The following SNRPN variants were observed in gnomAD, a reference collection of about 807,000 sequenced individuals.
SNRPN encodes small nuclear ribonucleoprotein polypeptide N, also known as small nuclear ribonucleoprotein-associated protein N.
SNRPN carries 7 observed loss-of-function variants against 25.2 expected under a neutral mutation model. The observed-to-expected ratio is 0.28, with a 90% CI of 0.16 to 0.52. The LOEUF (loss-of-function observed/expected upper bound fraction) is 0.52. Ranked by LOEUF, SNRPN falls within the 20% of genes least tolerant of loss-of-function variation. The probability of loss-of-function intolerance (pLI) is 0.96; values close to 1 mark genes in which losing one functional copy is unlikely to be tolerated. For synonymous variants in SNRPN, 124 were observed against 110.6 expected, an observed-to-expected ratio of 1.12 and a Z score of -0.76; for missense variants, 196 against 322.5, an observed-to-expected ratio of 0.61 and a Z score of 3.00.
At chr15:24,882,423 G>C (rs571574850) in intron 1 of SNRPN, among the ~76,000 whole-genome samples, 1 of 152,162 alleles carries the variant, frequency 6.6e-6, no homozygotes, top group Non-Finnish European at 1.5e-5. Flanking sequence ...TTTTGACAAT[G>C]AATACTATCA....
At chr15:24,944,624 A>C (rs1481224231) in intron 3 of SNRPN, among the ~76,000 whole-genome samples, 1 of 152,246 alleles carries the variant, frequency 6.6e-6, no homozygotes, top group East Asian at 1.9e-4. Context: ...CCAATTTCAG[A>C]AACCAACCCC....
At chr15:24,887,858 A>G (rs2057335394) in intron 2 of SNRPN, among the ~76,000 whole-genome samples, 1 of 152,020 alleles carries the variant, frequency 6.6e-6, no homozygotes, top group Non-Finnish European at 1.5e-5. Context: ...AGGGTCTGGG[A>G]AAGAGTGAGG....
At chr15:24,866,703 C>A (rs2054603069) in intron 1 of SNRPN, among the ~76,000 whole-genome samples, 1 of 152,190 alleles carries the variant, frequency 6.6e-6, no homozygotes, top group Non-Finnish European at 1.5e-5. Context: ...CCACCCTCAA[C>A]CCCAGGCTCT....
chr15:24,834,751 C>CTCTCTCTCTCTATATATATATA, intron 2 of SNRPN, among the ~76,000 whole-genome samples: 25 of 60,944 alleles, frequency 4.1e-4, no homozygotes, highest in Non-Finnish European at 6.6e-4. Flanking sequence ...CTCTCTCTCT[C>CTCTCTCTCTCTATATATATATA]TATATATATA....
At chr15:24,918,162 C>A (rs1291785934) in intron 2 of SNRPN, among the ~76,000 whole-genome samples, 1 of 151,548 alleles carries the variant, frequency 6.6e-6, no homozygotes, top group African/African-American at 2.4e-5. Flanking sequence ...ATTTGCTTTG[C>A]TTTTGATTCT....
Position 24,903,254 on chromosome 15 carries a change from T to G in SNRPN, c.-505+16665T>G, listed in dbSNP as rs138098006. ...ATTAATTCTTTGATTTTGTATATGT[T>G]TAGATACATTCATTAGCTACAGTTT... On this transcript the variant is annotated intron_variant, in intron 2 of 11. Transcript: ENST00000400097. Among the ~76,000 whole-genome samples the G allele has an allele frequency of 2.9e-3, 445 of 152,290 alleles. 1 individual carries two copies. The highest frequency in any genetic ancestry group is 0.01 in the African/African-American group (428 of 41,556).
At chr15:24,838,846 C>T (rs1424059629) in intron 2 of SNRPN, among the ~76,000 whole-genome samples, 3 of 152,056 alleles carry the variant, frequency 2.0e-5, no homozygotes, top group Admixed American at 1.3e-4. Context: ...GATCCTGTCC[C>T]CCAACACTGT....
At chr15:24,841,254 A>G (rs889546600) in intron 2 of SNRPN, among the ~76,000 whole-genome samples, 1 of 152,130 alleles carries the variant, frequency 6.6e-6, no homozygotes. Context: ...TGGGTAGCTT[A>G]GGTAACAGGC....
intron 3 of SNRPN, among the ~76,000 whole-genome samples, chr15:24,925,342 G>C (rs2060305985): frequency 6.6e-6 from 1 of 152,000 alleles, no homozygotes; most frequent in Non-Finnish European, 1.5e-5. Context: ...GGCCAGGCAT[G>C]GTGGCTCACA....
rs140946272 is a variant in SNRPN at position 24,976,041 on chromosome 15, T to C, written c.156-264T>C. Among the ~76,000 whole-genome samples the C allele has an allele frequency of 3.1e-3, 479 of 152,360 alleles. 6 individuals carry two copies. The highest frequency in any genetic ancestry group is 0.023 in the Admixed American group (355 of 15,300). ...TTTCAATTTTGTTTTTCTTAAAAGG[T>C]ATTTCACAAAAGAAATTAGTCTTGT... is the stretch of plus-strand genomic sequence containing the variant. On this transcript the variant is annotated intron_variant, in intron 5 of 9. Coordinates refer to ENST00000390687, the MANE Select transcript of SNRPN (RefSeq NM_003097.6).
chr15:24,919,461 T>A (rs2059913440), intron 2 of SNRPN, among the ~76,000 whole-genome samples: 1 of 151,380 alleles, frequency 6.6e-6, no homozygotes, highest in Non-Finnish European at 1.5e-5. Context: ...CAATTATGCT[T>A]GTTAAAGCAA....
At chr15:24,911,096 G>C in intron 2 of SNRPN, 2 of 1,413,410 alleles carry the variant, frequency 1.4e-6, no homozygotes, top group Non-Finnish European at 1.9e-6. Flanking sequence ...CTTCTGGAGA[G>C]GGATGAAGGA....
chr15:24,976,805 G>C (rs1254690923), intron 6 of SNRPN, 72 bp from the exon 7 acceptor site: 2 of 1,359,712 alleles, frequency 1.5e-6, no homozygotes, highest in African/African-American at 1.5e-5. Context: ...GGAGAGAAGT[G>C]ATCTCTGATG....
chr15:24,892,343 G>GGAACTGAATGGAAGATTGAA (rs2057745194), intron 2 of SNRPN, among the ~76,000 whole-genome samples: 1 of 152,108 alleles, frequency 6.6e-6, no homozygotes, highest in South Asian at 2.1e-4. Context: ...ATCATATCCA[G>GGAACTGAATGGAAGATTGAA]GACTCAAAGG....
intron 2 of SNRPN, among the ~76,000 whole-genome samples, chr15:24,895,357 G>A (rs2058010650): frequency 6.6e-6 from 1 of 151,322 alleles, no homozygotes; most frequent in Non-Finnish European, 1.5e-5. Context: ...GGGTTGGCAT[G>A]TCCTGAATAT....
rs1001484984 is a variant in SNRPN at position 24,965,148 on chromosome 15, C to G, written c.-294-2784C>G. Among the ~76,000 whole-genome samples, 2 of 152,082 alleles carry G rather than the reference C, an allele frequency of 1.3e-5. 1 individual carries two copies. ...CTTAGAATGTTATACTAGAAGTGTT[C>G]AATATTTACCCATTCATCTCCTACT... On this transcript the variant is annotated intron_variant, in intron 2 of 9. Transcript: ENST00000390687.
intron 2 of SNRPN, among the ~76,000 whole-genome samples, chr15:24,833,324 C>A (rs1370996429): frequency 6.6e-6 from 1 of 151,818 alleles, no homozygotes; most frequent in Non-Finnish European, 1.5e-5. Context: ...ACCTGGAATG[C>A]TAGTAGTAAA....
In SNRPN at chr15:24,831,552, G is replaced by T. The variant is rs183503868; in HGVS notation, c.-579+1647G>T. 3.4e-4 allele frequency among the ~76,000 whole-genome samples: 52 copies of T among 152,012 alleles called. 1 individual carries two copies. The highest frequency in any genetic ancestry group is 1.2e-3 in the African/African-American group (48 of 41,384). On this transcript the variant is annotated intron_variant, in intron 2 of 12. Coordinates refer to the SNRPN transcript ENST00000400100. ...ATTTATTGTTAACTATAGTTACCAT[G>T]TTGTACAATCTCTTGATCTTTTTCT... is the stretch of plus-strand genomic sequence containing the variant.
rs954374878 is a variant in SNRPN, at chr15:24,862,772, AT to A, written c.-579+6058del. Among the ~76,000 whole-genome samples, 18 of 150,876 alleles carry A rather than the reference AT, an allele frequency of 1.2e-4. No homozygotes were observed. In the South Asian group the frequency reaches 1.2e-3, roughly 10 times the overall value. Reference sequence around the variant, plus strand: ...AAGGGGGGCCTTCAGGAGGAGGAGCATTGGAGGAGATGCTGAAGAGTGAGGG... The same window carrying A: ...AAGGGGGGCCTTCAGGAGGAGGAGCATGGAGGAGATGCTGAAGAGTGAGGG... On this transcript the variant is annotated intron_variant, in intron 1 of 11. Coordinates refer to the SNRPN transcript ENST00000400097.
Sources: gnomAD v4.1 joint callset for allele counts (sites outside exome capture counted in the v4.1 genomes callset) on GRCh38, gnomAD v4.1.1 for gene constraint, MANE v1.5 for transcripts, NCBI Gene and HGNC (gene_info 2026-07-23, HGNC 2026-07-21) for gene names.